The following NKAIN2 variants were observed in gnomAD, a reference collection of about 807,000 sequenced individuals.
The protein encoded by NKAIN2 is sodium/potassium transporting ATPase interacting 2.
In NKAIN2, 14 loss-of-function variants were observed where a neutral mutation model predicts 32.6. The ratio of observed to expected loss-of-function variants is 0.43; its 90% CI spans 0.28 to 0.67. NKAIN2 has a LOEUF of 0.67. Ranked by LOEUF, NKAIN2 falls within the 30% of genes least tolerant of loss-of-function variation. NKAIN2 has a pLI of 0.17. For missense variants in NKAIN2, 198 were observed against 258.3 expected (o/e 0.77, Z 1.60); for synonymous variants, 80 against 87.2 (o/e 0.92, Z 0.46).
intron 1 of NKAIN2, among the ~76,000 whole-genome samples, chr6:124,186,604 G>A (rs1270756649): frequency 1.3e-5 from 2 of 152,160 alleles, no homozygotes; most frequent in Non-Finnish European, 1.5e-5. Context: ...TGAAGCATTT[G>A]AAAGTATGCA....
chr6:124,472,524 G>A (rs1223962704), intron 3 of NKAIN2, among the ~76,000 whole-genome samples: 4 of 151,996 alleles, frequency 2.6e-5, no homozygotes, highest in African/African-American at 9.7e-5. Flanking sequence ...ATCTCACCAG[G>A]AAACGGGGAG....
At chr6:124,772,755 A>G (rs1217618237) in intron 4 of NKAIN2, among the ~76,000 whole-genome samples, 2 of 152,202 alleles carry the variant, frequency 1.3e-5, no homozygotes, top group Non-Finnish European at 2.9e-5. Context: ...GAGACAACTT[A>G]GAGATCACAA....
At position 124,302,541 on chromosome 6, in the gene NKAIN2, G is replaced by A. The variant is rs147093857; in HGVS notation, c.192+19399G>A. 9.2e-3 allele frequency among the ~76,000 whole-genome samples: 1,404 copies of A among 152,118 alleles called. 18 individuals carry two copies. The highest frequency in any genetic ancestry group is 0.032 in the African/African-American group (1,322 of 41,500). Reference sequence around the variant, plus strand: ...TTTAAATTTTTTTATCTGGAGGATGGTCATTTTATTTAAACTAAGCTATCC... The same window carrying A: ...TTTAAATTTTTTTATCTGGAGGATGATCATTTTATTTAAACTAAGCTATCC... On this transcript the variant is annotated intron_variant, in intron 2 of 6. Transcript: ENST00000368417.
chr6:124,009,914 A>T (rs1265790793), intron 1 of NKAIN2, among the ~76,000 whole-genome samples: 1 of 152,014 alleles, frequency 6.6e-6, no homozygotes, highest in Non-Finnish European at 1.5e-5. Flanking sequence ...ATATATATTT[A>T]TGTGTACATA....
chr6:124,362,289 T>C (rs920958824), intron 3 of NKAIN2, among the ~76,000 whole-genome samples: 2 of 152,116 alleles, frequency 1.3e-5, no homozygotes, highest in Non-Finnish European at 2.9e-5. Flanking sequence ...TGCCTTATGA[T>C]GCAGGGAAAG....
intron 3 of NKAIN2, among the ~76,000 whole-genome samples, chr6:124,598,843 C>G (rs1369690782): frequency 6.6e-6 from 1 of 152,020 alleles, no homozygotes; most frequent in Non-Finnish European, 1.5e-5. Flanking sequence ...TGTACTTGGC[C>G]TCCTTTTATG....
intron 4 of NKAIN2, among the ~76,000 whole-genome samples, chr6:124,698,044 A>G (rs1774587320): frequency 6.6e-6 from 1 of 152,198 alleles, no homozygotes; most frequent in South Asian, 2.1e-4. Context: ...AGACAGATGG[A>G]TTCAGACTGG....
At position 124,641,510 on chromosome 6, in the gene NKAIN2, T is replaced by C. The variant is rs1783985892; in HGVS notation, c.274-16676T>C. ...TTTCCACATAATCAGAAGAAATACA[T>C]TTTGTTGTTAAAACACTAGCTTTTT... is the stretch of plus-strand genomic sequence containing the variant. On this transcript the variant is annotated intron_variant, in intron 3 of 6. Coordinates refer to ENST00000368417, the MANE Select transcript of NKAIN2 (RefSeq NM_001040214.3). Among the ~76,000 whole-genome samples the C allele has an allele frequency of 3.3e-5, 5 of 149,834 alleles. No homozygotes were observed. In the South Asian group the frequency reaches 1.0e-3, roughly 31 times the overall value.
intron 3 of NKAIN2, among the ~76,000 whole-genome samples, chr6:124,510,580 G>C (rs1016157227): frequency 6.6e-6 from 1 of 152,124 alleles, no homozygotes; most frequent in African/African-American, 2.4e-5. Flanking sequence ...GATATTTACA[G>C]TTGAAAGGCC....
chr6:124,453,927 G>A (rs1350716060), intron 3 of NKAIN2, among the ~76,000 whole-genome samples: 1 of 151,870 alleles, frequency 6.6e-6, no homozygotes, highest in East Asian at 1.9e-4. Context: ...CAAACGTATT[G>A]GTAATAAACT....
At chr6:124,414,021 GT>G (rs35007875) in intron 3 of NKAIN2, among the ~76,000 whole-genome samples, 16,741 of 146,678 alleles carry the variant, frequency 0.11, 1,324 homozygotes, top group African/African-American at 0.22. Context: ...TTGTTCGTTT[GT>G]TTTTTTTTTT....
rs550743761 is a variant in NKAIN2, at chr6:124,485,197, A to G, written c.273+129850A>G. On this transcript the variant is annotated intron_variant, in intron 3 of 6. Transcript: ENST00000368417. ...CAGCAGCAGCATCACTTGGAAAGTTATTAGAAATGCAGTTCTCAGGCTCCA... is the reference window on the plus strand; with the variant it reads ...CAGCAGCAGCATCACTTGGAAAGTTGTTAGAAATGCAGTTCTCAGGCTCCA... Among the ~76,000 whole-genome samples the G allele has an allele frequency of 3.9e-5, 6 of 152,270 alleles. No homozygotes were observed. The South Asian group carries it at 1.2e-3, about 32-fold the overall frequency.
chr6:124,458,601 CA>C (rs923516133), intron 3 of NKAIN2, among the ~76,000 whole-genome samples: 1 of 151,580 alleles, frequency 6.6e-6, no homozygotes, highest in African/African-American at 2.4e-5. Flanking sequence ...ACCTATTCTG[CA>C]AGTAGAAAAA....
intron 1 of NKAIN2, among the ~76,000 whole-genome samples, chr6:124,024,426 A>T (rs574171162): frequency 6.6e-6 from 1 of 152,316 alleles, no homozygotes; most frequent in African/African-American, 2.4e-5. Context: ...GCTAAGTTGC[A>T]CAGTCAAAAC....
intron 1 of NKAIN2, among the ~76,000 whole-genome samples, chr6:124,164,080 A>G (rs1273578715): frequency 6.6e-6 from 1 of 152,136 alleles, no homozygotes; most frequent in African/African-American, 2.4e-5. Context: ...AGTAAGGTAT[A>G]TGAAGAAGTC....
In NKAIN2 at chr6:123,829,376, G is replaced by A. The variant is rs111834919; in HGVS notation, c.54+25122G>A. ...AAGGCTTATCAAACTCTGTGTGTTT[G>A]TTAGGATATTCCTAGCTGTTGTATC... On this transcript the variant is annotated intron_variant, in intron 1 of 6. Transcript: ENST00000368417. The A allele has an allele frequency of 1.9e-4, 29 of 152,286 alleles. 1 individual carries two copies. The highest frequency in any genetic ancestry group is 7.0e-4 in the African/African-American group (29 of 41,576). 9.4% of individuals were successfully genotyped at this position (152,286 alleles called of 1,614,324 possible).
chr6:124,087,329 G>A (rs2114920014), intron 1 of NKAIN2, among the ~76,000 whole-genome samples: 1 of 151,992 alleles, frequency 6.6e-6, no homozygotes, highest in South Asian at 2.1e-4. Context: ...ACTTAATGTT[G>A]AGAAACGAGA....
At chr6:123,866,313 T>G (rs1351189407) in intron 1 of NKAIN2, among the ~76,000 whole-genome samples, 1 of 152,256 alleles carries the variant, frequency 6.6e-6, no homozygotes, top group African/African-American at 2.4e-5. Flanking sequence ...AGTAATTACA[T>G]TCATTGTTTT....
chr6:124,030,173 ACTG>A lies in NKAIN2; in HGVS notation c.54+225920_54+225922del, dbSNP rs1335409439. 4.6e-5 allele frequency among the ~76,000 whole-genome samples: 7 copies of A among 152,280 alleles called. No individual in the cohort carries two copies. In the East Asian group the frequency reaches 1.4e-3, roughly 29 times the overall value. ...GCAGGAAAACATGGTCAGGGCTCCCACTGATTCTACATTATGGTGAGTTATAAT... is the reference window on the plus strand; with the variant it reads ...GCAGGAAAACATGGTCAGGGCTCCCAATTCTACATTATGGTGAGTTATAAT... On this transcript the variant is annotated intron_variant, in intron 1 of 6. Coordinates refer to ENST00000368417, the MANE Select transcript of NKAIN2 (RefSeq NM_001040214.3).
Sources: gnomAD v4.1 joint callset for allele counts (sites outside exome capture counted in the v4.1 genomes callset) on GRCh38, gnomAD v4.1.1 for gene constraint, MANE v1.5 for transcripts, NCBI Gene and HGNC (gene_info 2026-07-23, HGNC 2026-07-21) for gene names.